Variants in AFF3 observed in about 807,000 individuals in gnomAD.
AFF3 encodes the protein ALF transcription elongation factor 3.
AFF3 carries 32 observed loss-of-function variants against 129.7 expected under a neutral mutation model. The observed-to-expected ratio is 0.25, with a 90% CI of 0.19 to 0.33. The LOEUF (loss-of-function observed/expected upper bound fraction) is 0.33. Ranked by LOEUF, AFF3 falls within the 10% of genes least tolerant of loss-of-function variation. AFF3 has a pLI of 1.00. For synonymous variants in AFF3, 644 were observed against 635.4 expected (o/e 1.01, Z -0.20); for missense variants, 1,373 against 1,592.0 (o/e 0.86, Z 2.34).
At chr2:99,787,956 G>A (rs1283410582) in intron 8 of AFF3, among the ~76,000 whole-genome samples, 1 of 152,188 alleles carries the variant, frequency 6.6e-6, no homozygotes, top group African/African-American at 2.4e-5. Flanking sequence ...ATGACAGACT[G>A]CATATATGAG....
In AFF3 at chr2:99,593,914, C is replaced by T. The variant is rs575652171; in HGVS notation, c.1747G>A (p.Ala583Thr). 3 of 1,425,110 alleles carry T rather than the reference C, an allele frequency of 2.1e-6. No homozygotes were observed. The highest frequency in any genetic ancestry group is 1.5e-5 in the African/African-American group (1 of 67,084). 88.3% of individuals were successfully genotyped at this position (1,425,110 alleles called of 1,614,324 possible). A position where few individuals can be genotyped will look rare whatever the true frequency, so the allele number is the denominator to read the frequency against. The change falls in exon 15 of 25, where the codon GCG becomes ACG. Residue 583 changes from alanine (A) to threonine (T), a missense_variant. This residue lies in a region of AFF3 where 466 missense variants were observed against 505.0 expected (regional missense o/e 0.92). Transcript: ENST00000672756. ...ENAPAPARRS[A>T]GKKPTRRTER... Reference sequence around the variant, plus strand: ...GTGCGCCTGGTGGGCTTCTTGCCCGCGGACCTCCGGGCAGGCGCGGGCGCG... The same window carrying T: ...GTGCGCCTGGTGGGCTTCTTGCCCGTGGACCTCCGGGCAGGCGCGGGCGCG...
At chr2:99,622,196 G>A (rs1429880623) in intron 13 of AFF3, among the ~76,000 whole-genome samples, 2 of 152,096 alleles carry the variant, frequency 1.3e-5, no homozygotes, top group Non-Finnish European at 2.9e-5. Context: ...TCGAGGGTGG[G>A]TGCGTTCTCC....
intron 4 of AFF3, among the ~76,000 whole-genome samples, chr2:100,077,039 A>G (rs1452482777): frequency 2.0e-5 from 3 of 152,170 alleles, no homozygotes; most frequent in African/African-American, 7.2e-5. Context: ...ACTTGAGGCC[A>G]GGAGCTGGAG....
intron 11 of AFF3, among the ~76,000 whole-genome samples, chr2:99,701,892 G>A (rs963991979): frequency 3.9e-5 from 6 of 152,176 alleles, no homozygotes; most frequent in African/African-American, 1.2e-4. Flanking sequence ...ATTTCACAAA[G>A]GTTACATACG....
chr2:99,945,971 C>T (rs534455753), intron 7 of AFF3, among the ~76,000 whole-genome samples: 16 of 152,182 alleles, frequency 1.1e-4, no homozygotes, highest in Non-Finnish European at 1.6e-4. Context: ...TCAATGACTA[C>T]GTATGTGCAA....
chr2:99,557,181 T>C (rs892668145), intron 22 of AFF3, among the ~76,000 whole-genome samples: 5 of 152,160 alleles, frequency 3.3e-5, no homozygotes, highest in Non-Finnish European at 5.9e-5. Context: ...ACGCAATTTG[T>C]TGTTGATTAA....
At chr2:99,759,875 C>T (rs1373650461) in intron 8 of AFF3, among the ~76,000 whole-genome samples, 2 of 152,172 alleles carry the variant, frequency 1.3e-5, no homozygotes, top group Non-Finnish European at 2.9e-5. Flanking sequence ...CTATCACTTG[C>T]TAGCCTCCTG....
chr2:99,555,362 G>A (rs1436807362), intron 22 of AFF3, among the ~76,000 whole-genome samples: 4 of 152,196 alleles, frequency 2.6e-5, no homozygotes, highest in African/African-American at 9.7e-5. Flanking sequence ...GAAAATACAT[G>A]ACATCAGATT....
chr2:99,839,464 T>G (rs1689147650), intron 7 of AFF3, among the ~76,000 whole-genome samples: 1 of 152,110 alleles, frequency 6.6e-6, no homozygotes, highest in African/African-American at 2.4e-5. Flanking sequence ...CTGTACCATT[T>G]TACATTCCCA....
intron 4 of AFF3, chr2:100,011,674 G>T: frequency 1.3e-6 from 1 of 742,136 alleles, no homozygotes; most frequent in South Asian, 1.4e-5. Context: ...TCCAGAAGCC[G>T]AGGGGAAAGA....
At chr2:99,924,557 G>C (rs1463839872) in intron 7 of AFF3, among the ~76,000 whole-genome samples, 3 of 152,162 alleles carry the variant, frequency 2.0e-5, no homozygotes, top group Non-Finnish European at 2.9e-5. Flanking sequence ...CCAAATAATA[G>C]TTGTATTCTC....
intron 13 of AFF3, among the ~76,000 whole-genome samples, chr2:99,649,017 T>C (rs989239063): frequency 6.6e-6 from 1 of 151,602 alleles, no homozygotes; most frequent in Non-Finnish European, 1.5e-5. Flanking sequence ...GAAAGTGACT[T>C]TACATACCCA....
chr2:99,949,186 G>C (rs1013643998), intron 7 of AFF3, among the ~76,000 whole-genome samples: 10 of 152,174 alleles, frequency 6.6e-5, no homozygotes, highest in African/African-American at 2.4e-4. Context: ...CAATGGGGCT[G>C]TCAAGAATTA....
Position 99,649,677 on chromosome 2 carries a change from G to T in AFF3, c.1144-11C>A. On this transcript the variant is annotated splice_polypyrimidine_tract_variant and intron_variant, in intron 12 of 24. Coordinates refer to ENST00000672756, the MANE Select transcript of AFF3 (RefSeq NM_001386135.1). ...TCTCTGAGCTGCCTGCTGGAAGAAA[G>T]AAAGGGCAGAGATGTTTATTTAATA... The T allele has an allele frequency of 6.2e-7, 1 of 1,614,068 alleles. No individual in the cohort carries two copies. Among genetic ancestry groups the T allele is most frequent in the Non-Finnish European group, 8.5e-7 (1 of 1,179,946 alleles).
intron 20 of AFF3, among the ~76,000 whole-genome samples, chr2:99,561,391 G>T (rs146252967): frequency 6.6e-6 from 1 of 152,258 alleles, no homozygotes; most frequent in South Asian, 2.1e-4. Flanking sequence ...TTTTTACAGC[G>T]GTTGCTCTGG....
chr2:99,564,658 A>C (rs1030725479), intron 20 of AFF3, among the ~76,000 whole-genome samples: 5 of 152,352 alleles, frequency 3.3e-5, no homozygotes, highest in African/African-American at 9.6e-5. Context: ...ATGTAGACCA[A>C]AAAGATCACA....
intron 8 of AFF3, among the ~76,000 whole-genome samples, chr2:99,767,531 G>C (rs1013171479): frequency 1.3e-5 from 2 of 152,208 alleles, no homozygotes; most frequent in Non-Finnish European, 2.9e-5. Flanking sequence ...AAATGAGGTA[G>C]ACAGTAAACA....
chr2:99,808,864 ATACACTGTT>A (rs1254120322), intron 8 of AFF3, among the ~76,000 whole-genome samples: 1 of 152,226 alleles, frequency 6.6e-6, no homozygotes, highest in Non-Finnish European at 1.5e-5. Context: ...ATTTTCCATA[ATACACTGTT>A]AAACAATCAT....
At chr2:100,117,258 A>G (rs545710507) in intron 2 of AFF3, among the ~76,000 whole-genome samples, 1 of 152,048 alleles carries the variant, frequency 6.6e-6, no homozygotes, top group Non-Finnish European at 1.5e-5. Flanking sequence ...CTGAGACTTC[A>G]ATTTTATGCA....
Sources: gnomAD v4.1 joint callset for allele counts (sites outside exome capture counted in the v4.1 genomes callset) on GRCh38, gnomAD v4.1.1 for gene constraint, gnomAD v4.1.1 regional missense constraint, MANE v1.5 for transcripts, NCBI Gene and HGNC (gene_info 2026-07-23, HGNC 2026-07-21) for gene names.